The following NIPBL variants were observed in gnomAD, a reference collection of about 807,000 sequenced individuals.
The protein encoded by NIPBL is NIPBL cohesin loading factor.
In NIPBL, 19 loss-of-function variants were observed where a neutral mutation model predicts 321.8. The observed-to-expected ratio is 0.06, with a 90% CI of 0.04 to 0.09. NIPBL has a LOEUF of 0.09. NIPBL is among the 10% of genes least tolerant of loss of function. The pLI, the probability that NIPBL is intolerant of heterozygous loss-of-function variation, is 1.00. For synonymous variants in NIPBL, 1,106 were observed against 1,114.1 expected (o/e 0.99, Z 0.14); for missense variants, 2,210 against 3,327.0 (o/e 0.66, Z 8.26).
chr5:36,899,543 T>G lies in NIPBL; in HGVS notation c.-80+22365T>G, dbSNP rs1448280676. On this transcript the variant is annotated intron_variant, in intron 1 of 46. Coordinates refer to ENST00000282516, the MANE Select transcript of NIPBL (RefSeq NM_133433.4). The stretch of plus-strand genomic sequence containing the variant: ...GGATTTTGTAAAAGGAAATTCAGCT[T>G]AAAGCATTCAGAACTTTGGCTGTTG... Among the ~76,000 whole-genome samples the G allele has an allele frequency of 3.3e-5, 5 of 152,352 alleles. No individual in the cohort carries two copies. In the East Asian group the frequency reaches 9.6e-4, roughly 29 times the overall value.
At chr5:37,030,136 A>C (rs372168204) in intron 32 of NIPBL, among the ~76,000 whole-genome samples, 4 of 152,238 alleles carry the variant, frequency 2.6e-5, no homozygotes, top group African/African-American at 7.2e-5. Flanking sequence ...TAGAAGCAGA[A>C]GGGACATGAC....
intron 2 of NIPBL, chr5:36,954,926 G>T (rs1226019952): frequency 6.5e-6 from 1 of 153,758 alleles, no homozygotes; most frequent in Non-Finnish European, 1.4e-5. Flanking sequence ...AAGAGAATAA[G>T]TAGGAGACAA....
rs529222582 is a variant in NIPBL, at chr5:37,062,302, C to T, written c.7860+1284C>T. ...AAACTGCAAGCAGTCATTCTCTTACCGTGTTTGGCTATTCTGTTCCTTTCT... is the reference window on the plus strand; with the variant it reads ...AAACTGCAAGCAGTCATTCTCTTACTGTGTTTGGCTATTCTGTTCCTTTCT... On this transcript the variant is annotated intron_variant, in intron 45 of 46. Transcript: ENST00000282516. Among the ~76,000 whole-genome samples, 485 of 152,162 alleles carry T rather than the reference C, an allele frequency of 3.2e-3. 1 individual carries two copies. Among genetic ancestry groups the T allele is most frequent in the Non-Finnish European group, 5.3e-3 (362 of 68,020 alleles).
intron 6 of NIPBL, among the ~76,000 whole-genome samples, chr5:36,965,337 A>C: frequency 6.6e-6 from 1 of 152,142 alleles, no homozygotes; most frequent in East Asian, 1.9e-4. Flanking sequence ...AATATTACTC[A>C]GCCATAAAAA....
chr5:36,934,976 T>C (rs1750050751), intron 1 of NIPBL, among the ~76,000 whole-genome samples: 1 of 152,148 alleles, frequency 6.6e-6, no homozygotes, highest in African/African-American at 2.4e-5. Flanking sequence ...GTTGCAATAC[T>C]GTTTCTCTTC....
chr5:36,952,097 G>A (rs1322416043), intron 1 of NIPBL, among the ~76,000 whole-genome samples: 1 of 145,374 alleles, frequency 6.9e-6, no homozygotes, highest in Non-Finnish European at 1.5e-5. Flanking sequence ...GCAGTTTAAT[G>A]TACCTTTGTG....
chr5:36,906,558 C>T (rs935399481), intron 1 of NIPBL, among the ~76,000 whole-genome samples: 3 of 152,078 alleles, frequency 2.0e-5, no homozygotes, highest in African/African-American at 7.2e-5. Context: ...TTTTGTTTTA[C>T]TTATTGCTTA....
Position 37,052,495 on chromosome 5 carries a change from A to G in NIPBL, c.7192A>G (p.Met2398Val), listed in dbSNP as rs1366869957. ...CGCTTTGTGTTCACACCTTTACTCC[A>G]TGATCCGTGGAAACCGCCAACACAG... ...SSALCSHLYS[M>V]IRGNRQHRRA... Residue 2398 changes from methionine to valine, a missense_variant, in exon 42 of 47, where the codon ATG becomes GTG. Around this residue, in one of 14 missense-constraint regions of NIPBL, gnomAD observed 112 missense variants for 288.3 expected, o/e 0.39. Transcript: ENST00000282516. 5.0e-6 allele frequency: 8 copies of G among 1,613,998 alleles called. No individual in the cohort carries two copies. The highest frequency in any genetic ancestry group is 2.7e-5 in the African/African-American group (2 of 74,916).
chr5:36,961,244 A>G (rs1741588414), intron 4 of NIPBL, among the ~76,000 whole-genome samples: 1 of 152,124 alleles, frequency 6.6e-6, no homozygotes, highest in South Asian at 2.1e-4. Flanking sequence ...AAGCAAGTAA[A>G]TTTTTTTAAA....
chr5:36,898,511 C>CT (rs550485997), intron 1 of NIPBL, among the ~76,000 whole-genome samples: 28,155 of 135,326 alleles, frequency 0.21, 3,403 homozygotes, highest in African/African-American at 0.33. Flanking sequence ...TTTCTGATTC[C>CT]TTTTTTTTTT....
chr5:37,006,435 C>T lies in NIPBL; in HGVS notation c.3934C>T (p.Leu1312Phe). 1 of 1,612,720 alleles carries T rather than the reference C, an allele frequency of 6.2e-7. No homozygotes were observed. The highest frequency in any genetic ancestry group is 8.5e-7 in the Non-Finnish European group (1 of 1,178,916). The change falls in exon 17 of 47, where the codon CTT becomes TTT. Residue 1312 changes from leucine (L) to phenylalanine (F), a missense_variant. Leu to Phe is a conservative substitution (Grantham distance 22). Transcript: ENST00000282516. ...AGTTACAAAATCAGCGGATGCTTGT[C>T]TTACAACTATCAACATTATGACATC... ...ERVTKSADAC[L>F]TTINIMTSPN...
chr5:37,026,357 A>C (rs753754532), intron 31 of NIPBL, 30 bp downstream of exon 31: 1 of 1,321,808 alleles, frequency 7.6e-7, no homozygotes, highest in East Asian at 2.3e-5. Context: ...GGGTGTGGTC[A>C]CTGTTGATCC....
At chr5:37,003,442 C>T in intron 16 of NIPBL, 95 bp downstream of exon 16, 2 of 719,070 alleles carry the variant, frequency 2.8e-6, no homozygotes, top group Admixed American at 2.1e-5. Context: ...TCCATTTTCT[C>T]AGTTACCTAC....
intron 1 of NIPBL, chr5:36,885,336 C>A: frequency 2.1e-6 from 1 of 481,096 alleles, no homozygotes; most frequent in Non-Finnish European, 4.1e-6. Context: ...GGCTCTGGTT[C>A]GCGGATCTCC....
At chr5:37,020,016 T>C (rs72736712) in intron 25 of NIPBL, among the ~76,000 whole-genome samples, 2,658 of 152,334 alleles carry the variant, frequency 0.017, 33 homozygotes, top group Middle Eastern at 0.044. Flanking sequence ...TGTCTCAGTG[T>C]TAAACTATTT....
chr5:37,006,020 A>G (rs1221633568), intron 16 of NIPBL, among the ~76,000 whole-genome samples: 1 of 152,200 alleles, frequency 6.6e-6, no homozygotes, highest in Non-Finnish European at 1.5e-5. Context: ...CATAATGTTT[A>G]TACCCAAAAC....
intron 1 of NIPBL, among the ~76,000 whole-genome samples, chr5:36,908,102 G>A (rs1747776398): frequency 6.6e-6 from 1 of 152,118 alleles, no homozygotes; most frequent in Non-Finnish European, 1.5e-5. Flanking sequence ...TTAACACAAA[G>A]ATTCATAAAT....
At chr5:37,014,955 C>T (rs931051303) in intron 22 of NIPBL, among the ~76,000 whole-genome samples, 190 bp downstream of exon 22, 11 of 151,774 alleles carry the variant, frequency 7.2e-5, no homozygotes, top group East Asian at 1.9e-4. Context: ...TGGGACTACA[C>T]GGGGGAAAAA....
At chr5:37,045,298 G>C (rs1752857618) in intron 36 of NIPBL, 145 bp from the exon 37 acceptor site, 1 of 598,794 alleles carries the variant, frequency 1.7e-6, no homozygotes, top group Non-Finnish European at 2.9e-6. Context: ...AGGTTGCAGT[G>C]AGCCAAGATC....
Sources: gnomAD v4.1 joint callset for allele counts (sites outside exome capture counted in the v4.1 genomes callset) on GRCh38, gnomAD v4.1.1 for gene constraint, gnomAD v4.1.1 regional missense constraint, MANE v1.5 for transcripts, NCBI Gene and HGNC (gene_info 2026-07-23, HGNC 2026-07-21) for gene names.